RTL4: variants seen among roughly 807,000 people sequenced by gnomAD.
RTL4 encodes the protein retrotransposon Gag like 4, also known as retrotransposon Gag-like protein 4.
Under a neutral mutation model 5.3 loss-of-function variants are expected in RTL4, and 4 were observed. The observed-to-expected ratio is 0.75, with a 90% CI of 0.37 to 1.72. The LOEUF (loss-of-function observed/expected upper bound fraction) is 1.72. Ranked by LOEUF, RTL4 falls within the 40% of genes most tolerant of loss-of-function variation. The probability of loss-of-function intolerance (pLI) is 0.04; values close to 1 mark genes in which losing one functional copy is unlikely to be tolerated. For synonymous variants in RTL4, 98 were observed against 87.3 expected, an observed-to-expected ratio of 1.12 and a Z score of -0.68; for missense variants, 260 against 227.1, an observed-to-expected ratio of 1.14 and a Z score of -0.93.
chrX:112,160,622 C>T, the RTL4 span, among the ~76,000 whole-genome samples: 1 of 111,548 alleles, frequency 9.0e-6, no homozygotes, highest in South Asian at 3.8e-4. Context: ...TACTAGGTGG[C>T]AAGTACTATG....
chrX:112,145,379 C>G, the RTL4 span, among the ~76,000 whole-genome samples: 2 of 111,635 alleles, frequency 1.8e-5, no homozygotes, highest in Admixed American at 1.9e-4. Context: ...TCTTCCCTGA[C>G]TTTCTCTGGA....
chrX:112,376,694 C>T, the RTL4 span, among the ~76,000 whole-genome samples: 1 of 111,580 alleles, frequency 9.0e-6, no homozygotes, highest in Non-Finnish European at 1.9e-5. Flanking sequence ...ACTAGTTTTG[C>T]ACCGTCATTT....
chrX:112,334,860 T>G, the RTL4 span, among the ~76,000 whole-genome samples: 1 of 111,958 alleles, frequency 8.9e-6, no homozygotes, highest in African/African-American at 3.2e-5. Flanking sequence ...TTTTGAGTTA[T>G]TTACTTAGTC....
upstream of RTL4, among the ~76,000 whole-genome samples, chrX:112,450,770 G>C (rs780694661): frequency 8.9e-6 from 1 of 112,060 alleles, no homozygotes; most frequent in Non-Finnish European, 1.9e-5. Flanking sequence ...GAACTTCTGA[G>C]AGTGGAGGAA....
the RTL4 span, among the ~76,000 whole-genome samples, chrX:112,358,350 A>C: frequency 1.8e-5 from 2 of 109,938 alleles, no homozygotes; most frequent in Non-Finnish European, 3.8e-5. Flanking sequence ...CTCAAGTGAC[A>C]AAATCACTTT....
At chrX:112,451,405 G>A (rs1402985198), upstream of RTL4, among the ~76,000 whole-genome samples, 2 of 110,903 alleles carry the variant, frequency 1.8e-5, no homozygotes, top group Non-Finnish European at 3.8e-5. Context: ...AGGCTGGGGT[G>A]GGAAGATTAC....
chrX:112,417,308 C>G, the RTL4 span, among the ~76,000 whole-genome samples: 1 of 111,873 alleles, frequency 8.9e-6, no homozygotes, highest in African/African-American at 3.2e-5. Context: ...TGTGGCAAAA[C>G]TATACTCAAA....
the RTL4 span, among the ~76,000 whole-genome samples, chrX:112,089,604 G>C: frequency 9.0e-6 from 1 of 111,187 alleles, no homozygotes; most frequent in African/African-American, 3.3e-5. Flanking sequence ...CTGTTCTATA[G>C]ATCCACCTTT....
chrX:112,354,167 T>C, the RTL4 span, among the ~76,000 whole-genome samples: 1 of 111,285 alleles, frequency 9.0e-6, no homozygotes, highest in Non-Finnish European at 1.9e-5. Flanking sequence ...CATTGGCCCC[T>C]TGAGGGGATG....
rs1471062730 is a variant in RTL4 at position 112,455,921 on chromosome X, C to G, written c.*260C>G. 1.9e-5 allele frequency: 7 copies of G among 361,237 alleles called. No individual in the cohort carries two copies. The South Asian group carries it at 5.0e-4, about 26-fold the overall frequency. 29.8% of individuals were successfully genotyped at this position (361,237 alleles called of 1,213,427 possible). On this transcript the variant is annotated 3_prime_UTR_variant, in exon 1 of 1. Transcript: ENST00000340433. ...TTAATTCTCCAAGAGCACCAAAAAC[C>G]TGCAGGCAAAACTTTGCCCAGTCTG... is the stretch of plus-strand genomic sequence containing the variant.
At chrX:112,325,602 A>C in the RTL4 span, among the ~76,000 whole-genome samples, 1 of 112,393 alleles carries the variant, frequency 8.9e-6, no homozygotes, top group Non-Finnish European at 1.9e-5. Flanking sequence ...AGCCATATAT[A>C]GGAAGCTGAA....
At chrX:112,179,479 C>G in the RTL4 span, among the ~76,000 whole-genome samples, 1 of 111,540 alleles carries the variant, frequency 9.0e-6, no homozygotes, top group Non-Finnish European at 1.9e-5. Flanking sequence ...TTCACCAAGC[C>G]GAATCTGGTA....
chrX:112,279,152 G>T, the RTL4 span, among the ~76,000 whole-genome samples: 1 of 105,675 alleles, frequency 9.5e-6, no homozygotes, highest in East Asian at 3.1e-4. Context: ...TGGAAAGGAA[G>T]AAATCATCAG....
the RTL4 span, among the ~76,000 whole-genome samples, chrX:112,143,402 G>T: frequency 1.8e-5 from 2 of 111,279 alleles, no homozygotes; most frequent in African/African-American, 6.5e-5. Context: ...TGATCACCTT[G>T]TGGGTTTTGC....
At chrX:112,276,111 T>C in the RTL4 span, among the ~76,000 whole-genome samples, 6,240 of 111,915 alleles carry the variant, frequency 0.056, 425 homozygotes, top group African/African-American at 0.19. Context: ...TTCTCCTCCA[T>C]TTGGCTTTCA....
chrX:112,161,836 C>CTTTTCTTTCTTT, the RTL4 span, among the ~76,000 whole-genome samples: 1 of 35,233 alleles, frequency 2.8e-5, no homozygotes, highest in African/African-American at 1.3e-4. Flanking sequence ...TTCCTTCCTT[C>CTTTTCTTTCTTT]CTTCCTTCCT....
chrX:112,187,347 A>T, the RTL4 span, among the ~76,000 whole-genome samples: 1 of 111,946 alleles, frequency 8.9e-6, no homozygotes, highest in Non-Finnish European at 1.9e-5. Context: ...GATTTGTGAG[A>T]CATGAAAGCA....
At chrX:112,354,958 A>T in the RTL4 span, among the ~76,000 whole-genome samples, 2 of 111,105 alleles carry the variant, frequency 1.8e-5, no homozygotes, top group East Asian at 5.7e-4. Context: ...TAAATAATCA[A>T]CACTTTCTAT....
the RTL4 span, among the ~76,000 whole-genome samples, chrX:112,141,080 C>T: frequency 8.9e-6 from 1 of 111,843 alleles, no homozygotes; most frequent in African/African-American, 3.2e-5. Context: ...TTATTTAGGT[C>T]TCTAATTTCT....
Sources: allele counts gnomAD v4.1 joint callset (sites outside exome capture counted in the v4.1 genomes callset), GRCh38; gene constraint gnomAD v4.1.1; transcripts MANE v1.5; gene names NCBI Gene and HGNC (gene_info 2026-07-23, HGNC 2026-07-21).